Variants in EGFLAM observed in about 807,000 individuals in gnomAD.
EGFLAM encodes EGF like, fibronectin type III and laminin G domains, also known as pikachurin.
EGFLAM carries 79 observed loss-of-function variants against 113.1 expected under a neutral mutation model. The observed-to-expected ratio is 0.70, with a 90% CI of 0.58 to 0.84. The LOEUF is 0.84. Ranked by LOEUF, EGFLAM falls within the 40% of genes least tolerant of loss-of-function variation. EGFLAM has a pLI of 0.00. For missense variants in EGFLAM, 1,265 were observed against 1,291.6 expected (o/e 0.98, Z 0.32); for synonymous variants, 504 against 487.6 (o/e 1.03, Z -0.44).
chr5:38,449,762 G>A (rs1742851976), intron 18 of EGFLAM, among the ~76,000 whole-genome samples: 1 of 152,104 alleles, frequency 6.6e-6, no homozygotes, highest in African/African-American at 2.4e-5. Context: ...GTCTATTTCA[G>A]TCAGATATCT....
At chr5:38,343,838 T>C (rs547978961) in intron 3 of EGFLAM, among the ~76,000 whole-genome samples, 2 of 152,344 alleles carry the variant, frequency 1.3e-5, no homozygotes, top group East Asian at 3.9e-4. Flanking sequence ...TAGCTATTAA[T>C]GAAGGTTGTT....
chr5:38,341,154 T>C (rs189854357), intron 3 of EGFLAM, among the ~76,000 whole-genome samples: 1 of 152,308 alleles, frequency 6.6e-6, no homozygotes, highest in East Asian at 1.9e-4. Flanking sequence ...ATAGTTAACA[T>C]TTTTTAGGAA....
intron 12 of EGFLAM, among the ~76,000 whole-genome samples, chr5:38,421,615 G>A (rs1413692508): frequency 6.6e-6 from 1 of 152,224 alleles, no homozygotes; most frequent in Non-Finnish European, 1.5e-5. Flanking sequence ...TCATATAGTT[G>A]CCATGTGGAG....
chr5:38,334,119 T>C (rs1739124138), intron 1 of EGFLAM, among the ~76,000 whole-genome samples: 1 of 152,068 alleles, frequency 6.6e-6, no homozygotes, highest in South Asian at 2.1e-4. Flanking sequence ...AGATGGGGTT[T>C]TGCCATGTTG....
intron 5 of EGFLAM, among the ~76,000 whole-genome samples, chr5:38,356,667 C>A (rs2589810): frequency 0.47 from 71,536 of 151,988 alleles, 19,124 homozygotes; most frequent in Non-Finnish European, 0.58. Flanking sequence ...AAATGAGAAA[C>A]CTCATCTTAG....
At position 38,454,167 on chromosome 5, in the gene EGFLAM, T is replaced by C. The variant is rs1743010428; in HGVS notation, c.2687+2709T>C. Among the ~76,000 whole-genome samples, 8 of 152,206 alleles carry C rather than the reference T, an allele frequency of 5.3e-5. No individual in the cohort carries two copies. In the South Asian group the frequency reaches 1.7e-3, roughly 31 times the overall value. On this transcript the variant is annotated intron_variant, in intron 19 of 21. Coordinates refer to ENST00000322350, the MANE Select transcript of EGFLAM (RefSeq NM_152403.4). ...TATCCCACCACATCAATGTCCCCGA[T>C]GCTGATGTAGGGAAGCGTACCGGCG...
At chr5:38,343,455 A>G (rs1045225048) in intron 3 of EGFLAM, among the ~76,000 whole-genome samples, 2 of 151,236 alleles carry the variant, frequency 1.3e-5, no homozygotes, top group African/African-American at 4.9e-5. Flanking sequence ...ATGGTTCTCA[A>G]CTGGGGGTAC....
intron 11 of EGFLAM, among the ~76,000 whole-genome samples, chr5:38,413,522 C>A (rs1273943129): frequency 2.0e-5 from 3 of 151,952 alleles, no homozygotes; most frequent in Non-Finnish European, 2.9e-5. Context: ...GGCTACTCAG[C>A]AAATCACCTA....
intron 6 of EGFLAM, among the ~76,000 whole-genome samples, chr5:38,404,866 A>G (rs751462233): frequency 6.6e-6 from 1 of 152,062 alleles, no homozygotes; most frequent in Non-Finnish European, 1.5e-5. Flanking sequence ...AAAGGCTGCC[A>G]CCTCCTGGTG....
intron 1 of EGFLAM, among the ~76,000 whole-genome samples, chr5:38,276,425 G>A (rs1757886802): frequency 6.6e-6 from 1 of 152,070 alleles, no homozygotes; most frequent in South Asian, 2.1e-4. Context: ...TAAAGCAAAA[G>A]CAGTTCTAAT....
intron 1 of EGFLAM, among the ~76,000 whole-genome samples, chr5:38,302,375 A>G (rs1460232114): frequency 6.6e-6 from 1 of 152,156 alleles, no homozygotes; most frequent in African/African-American, 2.4e-5. Flanking sequence ...TTGCATTCAC[A>G]TTTCAGCTGG....
chr5:38,388,971 T>C (rs1451269063), intron 6 of EGFLAM, among the ~76,000 whole-genome samples: 1 of 151,816 alleles, frequency 6.6e-6, no homozygotes, highest in Non-Finnish European at 1.5e-5. Context: ...TGAAAATAAT[T>C]TTTTTTCTGG....
intron 17 of EGFLAM, among the ~76,000 whole-genome samples, chr5:38,440,980 G>C (rs1189646285): frequency 1.3e-5 from 2 of 152,188 alleles, no homozygotes; most frequent in Non-Finnish European, 2.9e-5. Context: ...TAACCCAGGA[G>C]AGCAGGGGCC....
chr5:38,431,350 G>A, intron 15 of EGFLAM, 62 bp downstream of exon 15: 3 of 1,513,480 alleles, frequency 2.0e-6, no homozygotes, highest in Non-Finnish European at 1.8e-6. Flanking sequence ...TTTTCTGCCT[G>A]TCTTGGTAGA....
At chr5:38,274,016 A>G (rs1380996877) in intron 1 of EGFLAM, among the ~76,000 whole-genome samples, 1 of 152,260 alleles carries the variant, frequency 6.6e-6, no homozygotes, top group African/African-American at 2.4e-5. Flanking sequence ...TGATAAATTT[A>G]ACAGAGAAAT....
intron 6 of EGFLAM, among the ~76,000 whole-genome samples, chr5:38,371,228 T>G (rs773900435): frequency 1.3e-5 from 2 of 152,224 alleles, no homozygotes; most frequent in Non-Finnish European, 2.9e-5. Context: ...GTTGGCACTT[T>G]TTTGTTTGAA....
At chr5:38,391,527 T>C (rs1333044511) in intron 6 of EGFLAM, among the ~76,000 whole-genome samples, 1 of 151,442 alleles carries the variant, frequency 6.6e-6, no homozygotes, top group Non-Finnish European at 1.5e-5. Context: ...GCCTCCCGAG[T>C]AGCTGGGATT....
At chr5:38,306,997 T>C (rs1361848926) in intron 1 of EGFLAM, among the ~76,000 whole-genome samples, 1 of 152,196 alleles carries the variant, frequency 6.6e-6, no homozygotes, top group Non-Finnish European at 1.5e-5. Flanking sequence ...GCTGAGCTTC[T>C]AGCCAACTGC....
chr5:38,285,479 T>C (rs923432278), intron 1 of EGFLAM, among the ~76,000 whole-genome samples: 1 of 151,822 alleles, frequency 6.6e-6, no homozygotes, highest in Non-Finnish European at 1.5e-5. Context: ...TGGAAGTGGG[T>C]GGGGGAGGTG....
Sources: allele counts gnomAD v4.1 joint callset (sites outside exome capture counted in the v4.1 genomes callset), GRCh38; gene constraint gnomAD v4.1.1; transcripts MANE v1.5; gene names NCBI Gene and HGNC (gene_info 2026-07-23, HGNC 2026-07-21).